Variants in PHF24 observed in about 807,000 individuals in gnomAD.
PHF24 encodes Galpha inhibitory interacting protein.
In PHF24, 25 loss-of-function variants were observed where a neutral mutation model predicts 42.6. The ratio of observed to expected loss-of-function variants is 0.59; its 90% CI spans 0.43 to 0.82. The LOEUF is 0.82. Ranked by LOEUF, PHF24 falls within the 40% of genes least tolerant of loss-of-function variation. The pLI is 0.00. For missense variants in PHF24, 470 were observed against 538.1 expected (o/e 0.87, Z 1.25); for synonymous variants, 185 against 204.8 (o/e 0.90, Z 0.83).
At chr9:34,917,036 T>C in the PHF24 span, 3 of 576,482 alleles carry the variant, frequency 5.2e-6, no homozygotes, top group African/African-American at 5.6e-5. Context: ...TGAACACAAA[T>C]CATGAGGGAG....
chr9:34,667,797 G>T, the PHF24 span, among the ~76,000 whole-genome samples: 1 of 152,314 alleles, frequency 6.6e-6, no homozygotes, highest in African/African-American at 2.4e-5. Flanking sequence ...TGGAGTCAGA[G>T]AGAATGGAGC....
At chr9:34,932,642 ATT>A in the PHF24 span, among the ~76,000 whole-genome samples, 2 of 152,050 alleles carry the variant, frequency 1.3e-5, no homozygotes, top group Admixed American at 6.5e-5. Context: ...TAATTTTTCT[ATT>A]TTTCCAAATT....
the PHF24 span, among the ~76,000 whole-genome samples, chr9:34,721,434 G>A: frequency 0.015 from 1,716 of 116,034 alleles, 22 homozygotes; most frequent in Admixed American, 0.032. Flanking sequence ...TCTCTCTCTC[G>A]ATGGAGTTTT....
At chr9:34,829,076 G>A in the PHF24 span, among the ~76,000 whole-genome samples, 1 of 152,168 alleles carries the variant, frequency 6.6e-6, no homozygotes, top group Non-Finnish European at 1.5e-5. Flanking sequence ...AGTAATGGTA[G>A]CAGTAGAGAG....
the PHF24 span, among the ~76,000 whole-genome samples, chr9:34,935,733 TGTG>T: frequency 1.5e-5 from 2 of 137,320 alleles, no homozygotes; most frequent in Middle Eastern, 3.9e-3. Context: ...TGTATTTGTG[TGTG>T]GGGGGGGGGT....
At chr9:34,690,374 G>A in the PHF24 span, 1 of 1,610,472 alleles carries the variant, frequency 6.2e-7, no homozygotes, top group South Asian at 1.1e-5. Context: ...ACAGGACACA[G>A]GGACCCTTGA....
the PHF24 span, among the ~76,000 whole-genome samples, chr9:34,887,522 G>T: frequency 1.3e-5 from 2 of 152,176 alleles, no homozygotes; most frequent in Non-Finnish European, 2.9e-5. Flanking sequence ...CTTCTGACAG[G>T]CTGGGCATCC....
chr9:34,957,881 C>G (rs1260698313), upstream of PHF24, among the ~76,000 whole-genome samples: 1 of 152,010 alleles, frequency 6.6e-6, no homozygotes, highest in Non-Finnish European at 1.5e-5. Flanking sequence ...CCAGCGCCCC[C>G]AAGGCGCCCC....
the PHF24 span, among the ~76,000 whole-genome samples, chr9:34,855,394 T>C: frequency 6.6e-6 from 1 of 152,360 alleles, no homozygotes; most frequent in Admixed American, 6.5e-5. Flanking sequence ...TTCAGTGTGC[T>C]TCTTTAGTGG....
At chr9:34,918,177 G>A in the PHF24 span, 2 of 1,484,720 alleles carry the variant, frequency 1.3e-6, no homozygotes, top group Non-Finnish European at 1.9e-6. Flanking sequence ...GGAGAAGAAG[G>A]GTTACTTTGA....
chr9:34,692,960 T>G, the PHF24 span, among the ~76,000 whole-genome samples: 1 of 151,940 alleles, frequency 6.6e-6, no homozygotes, highest in Non-Finnish European at 1.5e-5. Context: ...CTAAATTTGG[T>G]ATTTTTAGTA....
chr9:34,881,774 A>G, the PHF24 span, among the ~76,000 whole-genome samples: 1 of 152,224 alleles, frequency 6.6e-6, no homozygotes, highest in Non-Finnish European at 1.5e-5. Flanking sequence ...GCCAAATTCT[A>G]CCAGAGGTAC....
At position 34,977,543 on chromosome 9, in the gene PHF24, C is replaced by T. The variant is rs750327908; in HGVS notation, c.1011-3C>T. The T allele has an allele frequency of 3.1e-6, 5 of 1,605,356 alleles. No individual in the cohort carries two copies. Among genetic ancestry groups the T allele is most frequent in the Admixed American group, 1.7e-5 (1 of 59,186 alleles). ...CCTAACCACGTGTCCTCATGCCCAG[C>T]AGCATCAGCCATGTGGGTCCCATCG... On this transcript the variant is annotated splice_region_variant and splice_polypyrimidine_tract_variant and intron_variant, in intron 6 of 7. Transcript: ENST00000242315.
At chr9:34,893,356 T>C in the PHF24 span, among the ~76,000 whole-genome samples, 1 of 152,120 alleles carries the variant, frequency 6.6e-6, no homozygotes, top group Non-Finnish European at 1.5e-5. Flanking sequence ...ATCCTAGCAC[T>C]TTGGGAGGCT....
chr9:34,673,367 AG>A, the PHF24 span, among the ~76,000 whole-genome samples: 1 of 147,710 alleles, frequency 6.8e-6, no homozygotes, highest in Non-Finnish European at 1.5e-5. Flanking sequence ...AAAAAAAAAA[AG>A]AGAGGAATTG....
the PHF24 span, among the ~76,000 whole-genome samples, chr9:34,803,863 C>G: frequency 6.6e-6 from 1 of 152,170 alleles, no homozygotes; most frequent in Non-Finnish European, 1.5e-5. Context: ...TATGCGCTCT[C>G]TTGATAAAAT....
At chr9:34,668,484 G>A in the PHF24 span, among the ~76,000 whole-genome samples, 6 of 152,174 alleles carry the variant, frequency 3.9e-5, no homozygotes, top group Non-Finnish European at 5.9e-5. Flanking sequence ...CACACAGGAC[G>A]TAAAGTCATC....
At chr9:34,901,354 A>T in the PHF24 span, among the ~76,000 whole-genome samples, 15 of 152,378 alleles carry the variant, frequency 9.8e-5, no homozygotes, top group Non-Finnish European at 1.5e-5. Context: ...CATTTTAGCA[A>T]ATCAAATTCA....
the PHF24 span, among the ~76,000 whole-genome samples, chr9:34,793,950 A>G: frequency 5.9e-5 from 9 of 151,596 alleles, no homozygotes; most frequent in African/African-American, 2.2e-4. Flanking sequence ...AATCATGGGA[A>G]GTGGTCCATA....
Sources: allele counts gnomAD v4.1 joint callset (sites outside exome capture counted in the v4.1 genomes callset), GRCh38; gene constraint gnomAD v4.1.1; transcripts MANE v1.5; gene names NCBI Gene and HGNC (gene_info 2026-07-23, HGNC 2026-07-21).